CDC37L1: variants seen among roughly 807,000 people sequenced by gnomAD.
CDC37L1 encodes the protein cell division cycle 37 like 1, HSP90 cochaperone.
In CDC37L1, 32 loss-of-function variants were observed where a neutral mutation model predicts 45.9. The observed-to-expected ratio is 0.70, with a 90% CI of 0.53 to 0.94. CDC37L1 has a LOEUF of 0.94. Among genes scored for constraint, CDC37L1 ranks in the 40% least tolerant of loss-of-function variants. The probability of loss-of-function intolerance (pLI) is 0.00; values close to 1 mark genes in which losing one functional copy is unlikely to be tolerated. For missense variants in CDC37L1, 434 were observed against 405.7 expected (o/e 1.07, Z -0.60); for synonymous variants, 150 against 133.0 (o/e 1.13, Z -0.88).
At position 4,697,082 on chromosome 9, in the gene CDC37L1, TC is replaced by T; in HGVS notation, c.509-13del. 8.6e-7 allele frequency: 1 copy of T among 1,157,582 alleles called. No individual in the cohort carries two copies. The highest frequency in any genetic ancestry group is 1.3e-6 in the Non-Finnish European group (1 of 778,668). 71.7% of individuals were successfully genotyped at this position (1,157,582 alleles called of 1,614,324 possible). Reference sequence around the variant, plus strand: ...AAATATTTGACACTTATGGTTCAATTCTTTTTTTTACAGGTATGTTGAGTCG... The same window carrying T: ...AAATATTTGACACTTATGGTTCAATTTTTTTTTTACAGGTATGTTGAGTCG... On this transcript the variant is annotated splice_polypyrimidine_tract_variant and intron_variant, in intron 3 of 6. Transcript: ENST00000381854.
chr9:4,700,439 C>T (rs746423755), intron 5 of CDC37L1, among the ~76,000 whole-genome samples: 3 of 152,212 alleles, frequency 2.0e-5, no homozygotes, highest in Non-Finnish European at 4.4e-5. Context: ...TGAGCCACCA[C>T]ACCCGGTCTC....
intron 6 of CDC37L1, chr9:4,703,092 A>G (rs1266152771): frequency 1.3e-6 from 2 of 1,544,128 alleles, no homozygotes; most frequent in East Asian, 4.9e-5. Flanking sequence ...CCAGGCTCCA[A>G]GATTTTAAGA....
intron 1 of CDC37L1, among the ~76,000 whole-genome samples, chr9:4,682,329 A>ATTTTTTTTT (rs1313029477): frequency 6.5e-5 from 6 of 92,856 alleles, no homozygotes; most frequent in African/African-American, 2.4e-4. Context: ...TGCCCAGCTA[A>ATTTTTTTTT]TTTTTTTTTT....
In CDC37L1 at chr9:4,707,688, A is replaced by C. The variant is rs1587626864; in HGVS notation, c.*1576A>C. Reference sequence around the variant, plus strand: ...TATATAGTAGTGTTTGTCAGCCTGTACTTTTTTTTTTTTTAAACCCATGAC... The same window carrying C: ...TATATAGTAGTGTTTGTCAGCCTGTCCTTTTTTTTTTTTTAAACCCATGAC... On this transcript the variant is annotated 3_prime_UTR_variant, in exon 7 of 7. Transcript: ENST00000381854. 1 of 150,004 alleles carries C rather than the reference A, an allele frequency of 6.7e-6. No homozygotes were observed. The allele number at this position is 150,004 out of a possible 1,614,324, so 9.3% of individuals were successfully genotyped here. A position where few individuals can be genotyped will look rare whatever the true frequency, so the allele number is the denominator to read the frequency against.
rs145274765 is a variant in CDC37L1 at position 4,694,793 on chromosome 9, C to T, written c.509-2303C>T. 5.3e-5 allele frequency among the ~76,000 whole-genome samples: 8 copies of T among 152,188 alleles called. No homozygotes were observed. In the East Asian group the frequency reaches 1.5e-3, roughly 29 times the overall value. On this transcript the variant is annotated intron_variant, in intron 3 of 6. Coordinates refer to ENST00000381854, the MANE Select transcript of CDC37L1 (RefSeq NM_017913.4). ...GCTGAGGCAGGAGAATTACTTGAAC[C>T]CAGGAGGTGGAGGTTGCAGTGAGCT...
rs1841351636 is a variant in CDC37L1 at position 4,696,787 on chromosome 9, C to T, written c.509-309C>T. On this transcript the variant is annotated intron_variant, in intron 3 of 6. Coordinates refer to ENST00000381854, the MANE Select transcript of CDC37L1 (RefSeq NM_017913.4). Reference sequence around the variant, plus strand: ...TAACTAACTCTCAATTTGCCCAAGACTGCGGGCATTCATGGATGTAGGACT... The same window carrying T: ...TAACTAACTCTCAATTTGCCCAAGATTGCGGGCATTCATGGATGTAGGACT... Among the ~76,000 whole-genome samples the T allele has an allele frequency of 2.0e-5, 3 of 152,230 alleles. No homozygotes were observed. In the South Asian group the frequency reaches 6.2e-4, roughly 31 times the overall value.
At chr9:4,701,353 C>T (rs928931688) in intron 5 of CDC37L1, among the ~76,000 whole-genome samples, 1 of 152,150 alleles carries the variant, frequency 6.6e-6, no homozygotes, top group Non-Finnish European at 1.5e-5. Flanking sequence ...ATGACGTTGA[C>T]TATTGAATTC....
Position 4,706,256 on chromosome 9 carries a change from A to ATTT in CDC37L1, c.*150_*152dup. ...GAAAGAGTACTGAAATGTTTTGTAA[A>ATTT]TTTTTTTTAATGTGCTGCTAGGTTT... On this transcript the variant is annotated 3_prime_UTR_variant, in exon 7 of 7. Transcript: ENST00000381854. 2.2e-6 allele frequency: 1 copy of ATTT among 460,160 alleles called. No individual in the cohort carries two copies. Among genetic ancestry groups the ATTT allele is most frequent in the South Asian group, 4.6e-5 (1 of 21,618 alleles). 28.5% of individuals were successfully genotyped at this position (460,160 alleles called of 1,614,324 possible). A position where few individuals can be genotyped will look rare whatever the true frequency, so the allele number is the denominator to read the frequency against.
chr9:4,679,708 G>C lies in CDC37L1; in HGVS notation c.-60G>C, dbSNP rs369907274. 51 of 1,521,860 alleles carry C rather than the reference G, an allele frequency of 3.4e-5. No individual in the cohort carries two copies. In the East Asian group the frequency reaches 4.0e-4, roughly 12 times the overall value. 94.3% of individuals were successfully genotyped at this position (1,521,860 alleles called of 1,614,324 possible). On this transcript the variant is annotated 5_prime_UTR_variant, in exon 1 of 7. Transcript: ENST00000381854. The stretch of plus-strand genomic sequence containing the variant: ...GCGCAGCAGGTTCCATTCACGCCAA[G>C]TCTGTTGGCAGTGGCAGTTGTAGGG...
Position 4,679,603 on chromosome 9 carries a change from T to TCGCCGGG in CDC37L1, c.-164_-158dup. On this transcript the variant is annotated 5_prime_UTR_variant, in exon 1 of 7. Coordinates refer to ENST00000381854, the MANE Select transcript of CDC37L1 (RefSeq NM_017913.4). ...TCCGCCGGTGGCGAGGCCCAGGCTG[T>TCGCCGGG]CGCCGGGTGTGCAGCGGCGTCGCGG... 1.7e-6 allele frequency: 1 copy of TCGCCGGG among 596,082 alleles called. No homozygotes were observed. Among genetic ancestry groups the TCGCCGGG allele is most frequent in the South Asian group, 2.6e-5 (1 of 38,882 alleles). The allele number at this position is 596,082 out of a possible 1,614,324, so 36.9% of individuals were successfully genotyped here.
chr9:4,682,206 A>G (rs896400359), intron 1 of CDC37L1, among the ~76,000 whole-genome samples: 13 of 134,212 alleles, frequency 9.7e-5, no homozygotes, highest in African/African-American at 3.7e-4. Context: ...TGTGTTGCCC[A>G]GGCTGGAGTG....
intron 1 of CDC37L1, among the ~76,000 whole-genome samples, chr9:4,681,579 T>G (rs912800064): frequency 2.0e-5 from 3 of 151,048 alleles, no homozygotes; most frequent in Non-Finnish European, 4.4e-5. Flanking sequence ...AAGGTTACAG[T>G]GAGCCGAGAT....
At chr9:4,702,965 C>A (rs1159348608) in intron 6 of CDC37L1, 4 of 758,942 alleles carry the variant, frequency 5.3e-6, no homozygotes, top group Non-Finnish European at 3.7e-6. Flanking sequence ...GAGACATGAT[C>A]AGACCACTGG....
rs558796817 is a variant in CDC37L1, at chr9:4,700,983, A to G, written c.748-881A>G. The stretch of plus-strand genomic sequence containing the variant: ...ACAAGTTCTTATAAAGTGAGGTGCT[A>G]AAATGTAATTAAGGAAATTCTTCCT... On this transcript the variant is annotated intron_variant, in intron 5 of 6. Transcript: ENST00000381854. Among the ~76,000 whole-genome samples, 7 of 151,596 alleles carry G rather than the reference A, an allele frequency of 4.6e-5. No individual in the cohort carries two copies. In the East Asian group the frequency reaches 1.0e-3, roughly 22 times the overall value.
intron 3 of CDC37L1, among the ~76,000 whole-genome samples, chr9:4,692,272 G>GTTT (rs920971809): frequency 2.1e-5 from 3 of 142,842 alleles, no homozygotes; most frequent in Admixed American, 7.0e-5. Flanking sequence ...TGATTTTAAT[G>GTTT]TTTTTTTTTT....
chr9:4,694,865 A>C (rs1841332196), intron 3 of CDC37L1, among the ~76,000 whole-genome samples: 1 of 152,080 alleles, frequency 6.6e-6, no homozygotes, highest in African/African-American at 2.4e-5. Context: ...GTGAGACTCC[A>C]TCTCAACAAA....
intron 1 of CDC37L1, 26 bp downstream of exon 1, chr9:4,679,925 A>T: frequency 6.2e-7 from 1 of 1,612,582 alleles, no homozygotes; most frequent in South Asian, 1.1e-5. Flanking sequence ...CGTTCTGCGG[A>T]GGGATGGAGT....
chr9:4,706,178 T>C lies in CDC37L1; in HGVS notation c.*66T>C. 1.2e-6 allele frequency: 1 copy of C among 814,382 alleles called. No homozygotes were observed. Among genetic ancestry groups the C allele is most frequent in the East Asian group, 2.5e-5 (1 of 40,368 alleles). The allele number at this position is 814,382 out of a possible 1,614,324, so 50.4% of individuals were successfully genotyped here. ...AGAAAGGAAGAACTTGGCTATTTTC[T>C]TGACACTTTTATGGGTGCTGCACTT... On this transcript the variant is annotated 3_prime_UTR_variant, in exon 7 of 7. Coordinates refer to ENST00000381854, the MANE Select transcript of CDC37L1 (RefSeq NM_017913.4).
chr9:4,700,382 A>G (rs544396045), intron 5 of CDC37L1, among the ~76,000 whole-genome samples: 42 of 152,186 alleles, frequency 2.8e-4, no homozygotes, highest in Non-Finnish European at 5.4e-4. Context: ...TTCTGGGCTC[A>G]AGCTGTCCTC....
Sources: allele counts gnomAD v4.1 joint callset (sites outside exome capture counted in the v4.1 genomes callset), GRCh38; gene constraint gnomAD v4.1.1; transcripts MANE v1.5; gene names NCBI Gene and HGNC (gene_info 2026-07-23, HGNC 2026-07-21).